Variants in KIR3DL1 observed in about 807,000 individuals in gnomAD.
KIR3DL1 encodes the protein killer cell immunoglobulin like receptor, three Ig domains and long cytoplasmic tail 1, also known as killer cell immunoglobulin-like receptor 3DL1.
KIR3DL1 carries 50 observed loss-of-function variants against 40.3 expected under a neutral mutation model. The ratio of observed to expected loss-of-function variants is 1.24; its 90% CI spans 0.99 to 1.57. The LOEUF is 1.57. Ranked by LOEUF, KIR3DL1 falls within the 40% of genes most tolerant of loss-of-function variation. The probability of loss-of-function intolerance (pLI) is 0.00; values close to 1 mark genes in which losing one functional copy is unlikely to be tolerated. For synonymous variants in KIR3DL1, 257 were observed against 207.2 expected (o/e 1.24, Z -2.07); for missense variants, 661 against 559.9 (o/e 1.18, Z -1.82).
At chr19:54,827,865 C>CA (rs1233378649) in intron 6 of KIR3DL1, among the ~76,000 whole-genome samples, 2 of 149,574 alleles carry the variant, frequency 1.3e-5, no homozygotes, top group Admixed American at 6.7e-5. Context: ...CTGGTCATCA[C>CA]AAAAAAAACT....
intron 3 of KIR3DL1, 124 bp from the exon 4 acceptor site, chr19:54,819,589 G>A (rs1172444407): frequency 4.2e-6 from 5 of 1,196,882 alleles, no homozygotes; most frequent in Non-Finnish European, 4.7e-6. Flanking sequence ...GCACAGAAAA[G>A]ACACGGAGAT....
chr19:54,818,519 A>C (rs570777719), exon 3 of KIR3DL1: 44 of 1,611,242 alleles, frequency 2.7e-5, no homozygotes, highest in Non-Finnish European at 3.4e-5. Flanking sequence ...CATGCAGGGA[A>C]CTACACATGT....
At chr19:54,823,321 G>A (rs2061730272) in intron 5 of KIR3DL1, among the ~76,000 whole-genome samples, 1 of 151,108 alleles carries the variant, frequency 6.6e-6, no homozygotes, top group Non-Finnish European at 1.5e-5. Context: ...ACAGGCATAA[G>A]CCACTATGCC....
chr19:54,821,602 C>A (rs1601352578), exon 5 of KIR3DL1: 1 of 1,608,334 alleles, frequency 6.2e-7, no homozygotes, highest in East Asian at 2.2e-5. Flanking sequence ...CCCAGCCGGG[C>A]CCCAAGGTTC....
rs767415831 is a variant in KIR3DL1, at chr19:54,829,411, C to G, written c.1051C>G (p.Leu351Val). 16 of 1,503,440 alleles carry G rather than the reference C, an allele frequency of 1.1e-5. 5 individuals are homozygous for G. In the South Asian group the frequency reaches 2.0e-4, roughly 19 times the overall value. 93.1% of individuals were successfully genotyped at this position (1,503,440 alleles called of 1,614,324 possible). The change falls in exon 7 of 9, where the codon CTC becomes GTC. Residue 351 changes from leucine to valine, a missense_variant. Transcript: ENST00000391728. Reference sequence around the variant, plus strand: ...GATTGGGACCTCAGTGGTCATCATCCTCTTCATCCTCCTCCTCTTCTTTCT... The same window carrying G: ...GATTGGGACCTCAGTGGTCATCATCGTCTTCATCCTCCTCCTCTTCTTTCT...
chr19:54,818,549 C>T, exon 3 of KIR3DL1: 1 of 1,611,568 alleles, frequency 6.2e-7, no homozygotes. Context: ...CACCCACACT[C>T]CCCCACTGGG....
rs796118596 is a variant in KIR3DL1, at chr19:54,824,069, C to G, written c.950-959C>G. On this transcript the variant is annotated intron_variant, in intron 5 of 8. Coordinates refer to ENST00000391728, the Ensembl canonical transcript of KIR3DL1. ...TTGTCTCTTCACTTTCTTGGTTTAT[C>G]TTTTGTGGTGCAGAAGTTGCTTGGT... is the stretch of plus-strand genomic sequence containing the variant. 8.0e-4 allele frequency among the ~76,000 whole-genome samples: 121 copies of G among 151,392 alleles called. 3 individuals carry two copies. Among genetic ancestry groups the G allele is most frequent in the Middle Eastern group, 6.8e-3 (2 of 294 alleles).
chr19:54,827,791 T>C (rs2061981693), intron 6 of KIR3DL1, among the ~76,000 whole-genome samples: 2 of 150,550 alleles, frequency 1.3e-5, no homozygotes, highest in Admixed American at 1.3e-4. Context: ...GAGCATGAGA[T>C]CATATAGAAA....
intron 1 of KIR3DL1, among the ~76,000 whole-genome samples, chr19:54,817,314 G>T (rs1245635904): frequency 6.8e-6 from 1 of 147,152 alleles, no homozygotes; most frequent in Non-Finnish European, 1.5e-5. Flanking sequence ...TGGAGATCTG[G>T]GCCTGTTGTG....
exon 4 of KIR3DL1, chr19:54,820,012 G>A (rs908590959): frequency 1.9e-6 from 3 of 1,609,136 alleles, no homozygotes. Context: ...CGTGGTCACA[G>A]GTGAGAGTGT....
At chr19:54,821,539 G>A in intron 4 of KIR3DL1, 26 bp from the exon 5 acceptor site, 1 of 1,595,834 alleles carries the variant, frequency 6.3e-7, no homozygotes, top group Non-Finnish European at 8.5e-7. Flanking sequence ...GAACCTCCCT[G>A]AGGAAACTGC....
chr19:54,828,199 G>A (rs1261562553), intron 6 of KIR3DL1, among the ~76,000 whole-genome samples: 1 of 151,022 alleles, frequency 6.6e-6, no homozygotes, highest in Admixed American at 6.6e-5. Context: ...TTTGACATAA[G>A]AGAATTCTAC....
chr19:54,821,384 A>C (rs1306035073), intron 4 of KIR3DL1, among the ~76,000 whole-genome samples, 181 bp from the exon 5 acceptor site: 1 of 151,164 alleles, frequency 6.6e-6, no homozygotes, highest in East Asian at 1.9e-4. Context: ...GTGAGGTCAT[A>C]GACCTAGAGA....
intron 6 of KIR3DL1, among the ~76,000 whole-genome samples, chr19:54,827,418 C>T (rs2061960017): frequency 6.7e-6 from 1 of 150,052 alleles, no homozygotes; most frequent in Non-Finnish European, 1.5e-5. Context: ...TGGAGAAACC[C>T]TATCTCTACA....
rs1165884213 is a variant in KIR3DL1, at chr19:54,819,975, G to A, written c.618G>A (p.Leu206=). The change falls in exon 4 of 9, where the codon TTG becomes TTA. Residue 206 remains leucine (L), a synonymous_variant. Transcript: ENST00000391728. ...CTGTTACTCACACCCCCTATCAGTT[G>A]TCAGCTCCCAGTGATCCCCTGGACA... is the stretch of plus-strand genomic sequence containing the variant. 2.5e-6 allele frequency: 4 copies of A among 1,611,400 alleles called. 1 individual carries two copies. Among genetic ancestry groups the A allele is most frequent in the South Asian group, 2.2e-5 (2 of 90,652 alleles).
chr19:54,818,689 A>C (rs1374460725), intron 3 of KIR3DL1, 90 bp downstream of exon 3: 3 of 1,504,974 alleles, frequency 2.0e-6, no homozygotes, highest in Non-Finnish European at 1.8e-6. Context: ...CCCATCACCC[A>C]GGCCCTGACT....
chr19:54,816,650 A>T, intron 1 of KIR3DL1, 116 bp downstream of exon 1: 1 of 1,156,764 alleles, frequency 8.6e-7, no homozygotes, highest in East Asian at 2.9e-5. Flanking sequence ...TATGGGCCTG[A>T]AGTGGAGATC....
At chr19:54,823,419 G>A (rs1194362117) in intron 5 of KIR3DL1, among the ~76,000 whole-genome samples, 1 of 151,154 alleles carries the variant, frequency 6.6e-6, no homozygotes. Flanking sequence ...GGGTACCAGG[G>A]TTCTCCTTTC....
rs530643927 is a variant in KIR3DL1 at position 54,820,612 on chromosome 19, G to A, written c.655+600G>A. 5.0e-4 allele frequency among the ~76,000 whole-genome samples: 76 copies of A among 151,372 alleles called. 1 individual carries two copies. Among genetic ancestry groups the A allele is most frequent in the Non-Finnish European group, 8.5e-4 (58 of 67,930 alleles). On this transcript the variant is annotated intron_variant, in intron 4 of 8. Transcript: ENST00000391728. ...AAATAATCCCACATATGATAGGATC[G>A]CTGAGAGACACAGAGAAAAATCAGG...
Sources: gnomAD v4.1 joint callset for allele counts (sites outside exome capture counted in the v4.1 genomes callset) on GRCh38, gnomAD v4.1.1 for gene constraint, MANE v1.5 for transcripts, NCBI Gene and HGNC (gene_info 2026-07-23, HGNC 2026-07-21) for gene names.